ATL1: variants seen among roughly 807,000 people sequenced by gnomAD.
The protein encoded by ATL1 is atlastin GTPase 1.
In ATL1, 31 loss-of-function variants were observed where a neutral mutation model predicts 75.5. The observed-to-expected ratio is 0.41, with a 90% CI of 0.31 to 0.55. The LOEUF is 0.55. Ranked by LOEUF, ATL1 falls within the 20% of genes least tolerant of loss-of-function variation. ATL1 has a pLI of 0.27. For missense variants in ATL1, 405 were observed against 662.6 expected (o/e 0.61, Z 4.27); for synonymous variants, 226 against 233.3 (o/e 0.97, Z 0.28).
At chr14:50,579,732 C>G (rs2039038931) in intron 1 of ATL1, among the ~76,000 whole-genome samples, 2 of 152,128 alleles carry the variant, frequency 1.3e-5, no homozygotes, top group African/African-American at 4.8e-5. Context: ...GGAGCCAGCT[C>G]CTACTAGTTC....
At chr14:50,558,308 G>A (rs1209320186), upstream of ATL1, among the ~76,000 whole-genome samples, 1 of 152,182 alleles carries the variant, frequency 6.6e-6, no homozygotes, top group Non-Finnish European at 1.5e-5. Flanking sequence ...GTAGTGAGCT[G>A]AGATCACGCC....
chr14:50,624,544 T>C (rs1422705809), intron 11 of ATL1, among the ~76,000 whole-genome samples: 1 of 151,938 alleles, frequency 6.6e-6, no homozygotes, highest in Non-Finnish European at 1.5e-5. Context: ...CAGTCCTTTC[T>C]TTTACCTGAG....
chr14:50,569,583 T>G (rs1405201962), intron 1 of ATL1, among the ~76,000 whole-genome samples: 7 of 152,218 alleles, frequency 4.6e-5, no homozygotes, highest in African/African-American at 1.7e-4. Context: ...AGCTACAAAC[T>G]GTTGTTAAAA....
intron 1 of ATL1, among the ~76,000 whole-genome samples, chr14:50,543,261 G>A (rs1373056924): frequency 6.6e-6 from 1 of 152,222 alleles, no homozygotes; most frequent in Non-Finnish European, 1.5e-5. Context: ...TCTGCTTATA[G>A]CAGAGGCCAT....
intron 1 of ATL1, among the ~76,000 whole-genome samples, chr14:50,585,820 G>A (rs751340278): frequency 6.6e-6 from 1 of 152,126 alleles, no homozygotes; most frequent in East Asian, 1.9e-4. Context: ...CAATATAGAA[G>A]CTATTATCTT....
At chr14:50,619,816 G>A (rs562933406) in intron 8 of ATL1, among the ~76,000 whole-genome samples, 1 of 152,178 alleles carries the variant, frequency 6.6e-6, no homozygotes, top group South Asian at 2.1e-4. Flanking sequence ...ACCCAGTTTT[G>A]TACAGTTCTT....
intron 1 of ATL1, among the ~76,000 whole-genome samples, chr14:50,563,785 A>T (rs2038874779): frequency 6.6e-6 from 1 of 152,348 alleles, no homozygotes; most frequent in African/African-American, 2.4e-5. Context: ...AGTAGAACTG[A>T]GCATCCTACC....
rs1056352960 is a variant in ATL1, at chr14:50,602,279, C to T, written c.630+6647C>T. The stretch of plus-strand genomic sequence containing the variant: ...CTGTGTGTGTGCTTGTCACTCTTGT[C>T]CTCTCAGTTCTGCTGGGCTGTGGTG... On this transcript the variant is annotated intron_variant, in intron 6 of 13. Coordinates refer to ENST00000358385, the MANE Select transcript of ATL1 (RefSeq NM_015915.5). 4.6e-5 allele frequency among the ~76,000 whole-genome samples: 7 copies of T among 152,258 alleles called. 1 individual carries two copies. Among genetic ancestry groups the T allele is most frequent in the African/African-American group, 1.7e-4 (7 of 41,564 alleles).
chr14:50,614,004 T>C (rs2039391426), intron 7 of ATL1, among the ~76,000 whole-genome samples: 1 of 152,168 alleles, frequency 6.6e-6, no homozygotes, highest in Non-Finnish European at 1.5e-5. Context: ...GAATATCTAC[T>C]AAAAAGAAAG....
intron 1 of ATL1, among the ~76,000 whole-genome samples, chr14:50,537,629 G>A (rs1448669246): frequency 6.6e-6 from 1 of 152,246 alleles, no homozygotes; most frequent in African/African-American, 2.4e-5. Flanking sequence ...AGCCACAGGG[G>A]CAGAGCTGCC....
intron 1 of ATL1, among the ~76,000 whole-genome samples, chr14:50,580,453 C>T (rs1212322630): frequency 6.6e-6 from 1 of 151,998 alleles, no homozygotes. Context: ...TTCATACCTA[C>T]TTTTATGCAT....
intron 6 of ATL1, among the ~76,000 whole-genome samples, chr14:50,602,319 C>T (rs1231259052): frequency 6.6e-6 from 1 of 152,036 alleles, no homozygotes; most frequent in Non-Finnish European, 1.5e-5. Context: ...AGAGGGTTTC[C>T]ACTCCGTCAT....
chr14:50,628,962 C>T (rs903574902), intron 12 of ATL1, among the ~76,000 whole-genome samples: 7 of 152,176 alleles, frequency 4.6e-5, no homozygotes, highest in South Asian at 2.1e-4. Context: ...AAGCAATCTG[C>T]GCGCCTCAGC....
At position 50,620,702 on chromosome 14, in the gene ATL1, C is replaced by A; in HGVS notation, c.966C>A (p.Cys322Ter). ...AGATCAATGGGAATAAAATCACCTGCCGGGGTCTGGTGGAGTACTTCAAGG... is the reference window on the plus strand; with the variant it reads ...AGATCAATGGGAATAAAATCACCTGACGGGGTCTGGTGGAGTACTTCAAGG... ...IKEINGNKIT[C>*]RGLVEYFKAY... is the part of the protein sequence containing the mutation. The change falls in exon 9 of 14, where the codon TGC becomes TGA. Residue 322 changes from cysteine (C) to a stop codon, truncating the protein, a stop_gained. Transcript: ENST00000358385. LOFTEE classifies it high-confidence loss of function. 6.2e-7 allele frequency: 1 copy of A among 1,613,532 alleles called. No homozygotes were observed. The highest frequency in any genetic ancestry group is 1.3e-5 in the African/African-American group (1 of 74,964).
intron 1 of ATL1, among the ~76,000 whole-genome samples, chr14:50,541,734 C>T (rs933677320): frequency 1.3e-5 from 2 of 151,926 alleles, no homozygotes; most frequent in African/African-American, 4.8e-5. Context: ...TAAGAATATG[C>T]TGTTGGCCAG....
chr14:50,563,961 G>A (rs1389647131), intron 1 of ATL1, among the ~76,000 whole-genome samples: 1 of 152,154 alleles, frequency 6.6e-6, no homozygotes, highest in African/African-American at 2.4e-5. Flanking sequence ...CTAGGTTATA[G>A]ATCTAGTATT....
intron 10 of ATL1, 44 bp downstream of exon 10, chr14:50,621,943 G>A (rs1250713745): frequency 7.5e-7 from 1 of 1,325,026 alleles, no homozygotes; most frequent in Non-Finnish European, 1.1e-6. Flanking sequence ...CGTGACTAAG[G>A]CTAAGATTTC....
chr14:50,551,489 G>C (rs1468656900), intron 1 of ATL1, among the ~76,000 whole-genome samples: 1 of 151,936 alleles, frequency 6.6e-6, no homozygotes, highest in African/African-American at 2.4e-5. Flanking sequence ...TATTTCAAAA[G>C]ATAAAGAAAG....
chr14:50,572,812 C>G (rs889924134), intron 1 of ATL1, among the ~76,000 whole-genome samples: 2 of 152,070 alleles, frequency 1.3e-5, no homozygotes, highest in African/African-American at 4.8e-5. Context: ...AAGTATTTTA[C>G]TGTGTCATAT....
Sources: allele counts gnomAD v4.1 joint callset (sites outside exome capture counted in the v4.1 genomes callset), GRCh38; gene constraint gnomAD v4.1.1; transcripts MANE v1.5; gene names NCBI Gene and HGNC (gene_info 2026-07-23, HGNC 2026-07-21).